Variants in MYRFL observed in about 807,000 individuals in gnomAD.
The protein encoded by MYRFL is myelin regulatory factor-like protein.
A neutral mutation model predicts 109.4 loss-of-function variants in MYRFL; 88 were observed. The observed-to-expected ratio is 0.80, with a 90% CI of 0.68 to 0.96. MYRFL has a LOEUF of 0.96. MYRFL is among the 40% of genes least tolerant of loss of function. The pLI is 0.00. For missense variants in MYRFL, 957 were observed against 954.9 expected, an observed-to-expected ratio of 1.00 and a Z score of -0.03; for synonymous variants, 324 against 320.9, an observed-to-expected ratio of 1.01 and a Z score of -0.10.
At chr12:69,937,699 C>A (rs533674930) in intron 19 of MYRFL, among the ~76,000 whole-genome samples, 1 of 152,316 alleles carries the variant, frequency 6.6e-6, no homozygotes, top group South Asian at 2.1e-4. Context: ...ACAGATCTAA[C>A]ATGTATGGAG....
intron 19 of MYRFL, among the ~76,000 whole-genome samples, chr12:69,943,728 C>T (rs1955741874): frequency 7.1e-6 from 1 of 141,022 alleles, no homozygotes; most frequent in Admixed American, 7.3e-5. Context: ...AAAGAAACTA[C>T]CATCAGAGTG....
chr12:69,827,524 G>A (rs1010630576), intron 1 of MYRFL, among the ~76,000 whole-genome samples: 6 of 151,948 alleles, frequency 3.9e-5, no homozygotes, highest in Middle Eastern at 3.4e-3. Context: ...TCTAGAGATC[G>A]CAACATCCTC....
chr12:69,865,252 G>A (rs1884947919), intron 2 of MYRFL, among the ~76,000 whole-genome samples: 1 of 152,198 alleles, frequency 6.6e-6, no homozygotes, highest in Admixed American at 6.5e-5. Context: ...GTTCAATGAG[G>A]AGTGAACAGC....
At chr12:69,891,560 AATTT>A (rs2136338541) in intron 7 of MYRFL, among the ~76,000 whole-genome samples, 1 of 60,340 alleles carries the variant, frequency 1.7e-5, no homozygotes, top group African/African-American at 5.0e-5. Context: ...GAAAGGTGTC[AATTT>A]CTTTCTTTCT....
chr12:69,869,554 A>G (rs184476315), intron 2 of MYRFL, among the ~76,000 whole-genome samples: 2 of 152,308 alleles, frequency 1.3e-5, no homozygotes, highest in East Asian at 3.9e-4. Context: ...CGGCATATTC[A>G]TGGTCATATG....
chr12:69,906,503 C>T (rs1343104995), intron 11 of MYRFL, among the ~76,000 whole-genome samples: 1 of 152,128 alleles, frequency 6.6e-6, no homozygotes, highest in Non-Finnish European at 1.5e-5. Flanking sequence ...GAGTTGAATA[C>T]ATCAGTCAAA....
intron 19 of MYRFL, among the ~76,000 whole-genome samples, chr12:69,942,359 T>G (rs1357022356): frequency 1.5e-4 from 21 of 138,306 alleles, no homozygotes; most frequent in Middle Eastern, 3.6e-3. Flanking sequence ...GCTTCATCCC[T>G]GGGATGCAAG....
chr12:69,957,360 A>T (rs531325205), intron 22 of MYRFL, among the ~76,000 whole-genome samples: 26 of 152,338 alleles, frequency 1.7e-4, no homozygotes, highest in African/African-American at 6.3e-4. Context: ...GAGAAGGAAT[A>T]TATCCAAAAA....
chr12:69,879,516 T>C (rs1885925854), intron 4 of MYRFL, 63 bp downstream of exon 4: 3 of 656,812 alleles, frequency 4.6e-6, no homozygotes, highest in Admixed American at 2.2e-5. Flanking sequence ...AGCCTGCCTC[T>C]GGCAGGCACC....
intron 2 of MYRFL, among the ~76,000 whole-genome samples, chr12:69,870,165 G>A (rs552618148): frequency 1.0e-3 from 132 of 126,020 alleles, no homozygotes; most frequent in African/African-American, 3.8e-3. Context: ...CTGGAGGGCA[G>A]TGTTGAGATC....
intron 19 of MYRFL, among the ~76,000 whole-genome samples, chr12:69,939,716 A>G (rs1225948429): frequency 6.6e-6 from 1 of 152,122 alleles, no homozygotes; most frequent in Non-Finnish European, 1.5e-5. Context: ...GAGCTGAGAG[A>G]AGAAGGCTTC....
chr12:69,887,008 A>AC, intron 6 of MYRFL, 38 bp downstream of exon 6: 1 of 1,531,748 alleles, frequency 6.5e-7, no homozygotes, highest in Non-Finnish European at 8.7e-7. Context: ...GAGGGGAGAA[A>AC]GACAGTGCTA....
At chr12:69,905,321 T>C (rs1207402884) in intron 11 of MYRFL, among the ~76,000 whole-genome samples, 1 of 152,220 alleles carries the variant, frequency 6.6e-6, no homozygotes, top group Non-Finnish European at 1.5e-5. Context: ...TGCTTGTTGG[T>C]TTGAAGAAAA....
intron 1 of MYRFL, among the ~76,000 whole-genome samples, chr12:69,842,576 C>G (rs746034955): frequency 1.3e-5 from 2 of 152,194 alleles, no homozygotes; most frequent in East Asian, 3.8e-4. Flanking sequence ...AAAGCACATA[C>G]AGCTGGCAGT....
intron 10 of MYRFL, among the ~76,000 whole-genome samples, chr12:69,898,282 G>A (rs1311890574): frequency 1.3e-5 from 2 of 152,216 alleles, no homozygotes; most frequent in East Asian, 3.8e-4. Flanking sequence ...CCTCCTATTA[G>A]TGGAAATCCT....
intron 2 of MYRFL, among the ~76,000 whole-genome samples, chr12:69,860,898 T>TC (rs1337482882): frequency 1.5e-5 from 1 of 68,236 alleles, no homozygotes; most frequent in Non-Finnish European, 2.7e-5. Flanking sequence ...CCCTCCCCCC[T>TC]CCCCCCACCC....
chr12:69,882,081 G>A lies in MYRFL; in HGVS notation c.556+1789G>A, dbSNP rs559782526. 7.9e-5 allele frequency among the ~76,000 whole-genome samples: 12 copies of A among 152,282 alleles called. No individual in the cohort carries two copies. In the East Asian group the frequency reaches 9.6e-4, roughly 12 times the overall value. The stretch of plus-strand genomic sequence containing the variant: ...ATCCCAGAGTTAAGCTCCATCCTGC[G>A]ATGGTTTTCTGCTGCCTGTCCCAGA... On this transcript the variant is annotated intron_variant, in intron 5 of 24. Transcript: ENST00000552032.
At position 69,865,742 on chromosome 12, in the gene MYRFL, A is replaced by G. The variant is rs565144943; in HGVS notation, c.137+10372A>G. 2.6e-5 allele frequency among the ~76,000 whole-genome samples: 4 copies of G among 152,284 alleles called. No homozygotes were observed. The East Asian group carries it at 7.7e-4, about 29-fold the overall frequency. On this transcript the variant is annotated intron_variant, in intron 2 of 24. Coordinates refer to ENST00000552032, the MANE Select transcript of MYRFL (RefSeq NM_182530.3). The stretch of plus-strand genomic sequence containing the variant: ...CGTGATAATAATGGTCCTTCCTACC[A>G]GACCAGAAATATCTACCCATAGGCT...
intron 13 of MYRFL, among the ~76,000 whole-genome samples, chr12:69,920,535 G>A (rs1954878608): frequency 6.6e-6 from 1 of 152,060 alleles, no homozygotes. Flanking sequence ...GTGCTGGAGT[G>A]GCAACTATGG....
Sources: allele counts gnomAD v4.1 joint callset (sites outside exome capture counted in the v4.1 genomes callset), GRCh38; gene constraint gnomAD v4.1.1; transcripts MANE v1.5; gene names NCBI Gene and HGNC (gene_info 2026-07-23, HGNC 2026-07-21).